The following AOPEP variants were observed in gnomAD, a reference collection of about 807,000 sequenced individuals.
AOPEP encodes aminopeptidase O.
In AOPEP, 77 loss-of-function variants were observed where a neutral mutation model predicts 98.1. That is an observed-to-expected ratio of 0.78 (90% CI 0.65 to 0.95). The LOEUF (loss-of-function observed/expected upper bound fraction) is 0.95. Among genes scored for constraint, AOPEP ranks in the 40% least tolerant of loss-of-function variants. The pLI is 0.00. For synonymous variants in AOPEP, 346 were observed against 365.3 expected, an observed-to-expected ratio of 0.95 and a Z score of 0.60; for missense variants, 1,024 against 1,024.7, an observed-to-expected ratio of 1.00 and a Z score of 0.01.
chr9:95,147,607 T>A, the AOPEP span, among the ~76,000 whole-genome samples: 1 of 152,220 alleles, frequency 6.6e-6, no homozygotes, highest in Non-Finnish European at 1.5e-5. Context: ...GAAAGTGGGC[T>A]AAACTGTAAA....
intron 13 of AOPEP, among the ~76,000 whole-genome samples, chr9:95,026,380 C>T (rs982176566): frequency 4.6e-5 from 7 of 152,210 alleles, no homozygotes; most frequent in Admixed American, 4.6e-4. Flanking sequence ...CCTAGGCAAC[C>T]TGTAAATCTA....
intron 5 of AOPEP, among the ~76,000 whole-genome samples, chr9:94,838,191 A>G (rs1055880282): frequency 6.6e-6 from 1 of 152,016 alleles, no homozygotes; most frequent in Non-Finnish European, 1.5e-5. Flanking sequence ...TTGTATTTTT[A>G]GTAGAGATGG....
chr9:94,814,667 T>G (rs1033985259), intron 5 of AOPEP, among the ~76,000 whole-genome samples: 3 of 152,184 alleles, frequency 2.0e-5, no homozygotes, highest in Non-Finnish European at 2.9e-5. Context: ...AGTTCCAGGA[T>G]TAGTCCTCTC....
At chr9:94,921,686 T>C (rs1297457381) in intron 5 of AOPEP, among the ~76,000 whole-genome samples, 4 of 152,156 alleles carry the variant, frequency 2.6e-5, no homozygotes, top group Admixed American at 2.0e-4. Flanking sequence ...TTTTCCTTCA[T>C]AGGGAAATAG....
At chr9:94,756,775 C>T (rs1837150963) in intron 1 of AOPEP, among the ~76,000 whole-genome samples, 1 of 152,114 alleles carries the variant, frequency 6.6e-6, no homozygotes, top group Non-Finnish European at 1.5e-5. Flanking sequence ...TGCTTTTGGG[C>T]AGCACTCCTG....
At chr9:95,000,021 A>C (rs988537731) in intron 11 of AOPEP, among the ~76,000 whole-genome samples, 3 of 152,228 alleles carry the variant, frequency 2.0e-5, no homozygotes, top group South Asian at 2.1e-4. Flanking sequence ...CCATAGCCTC[A>C]GCAATCCACT....
intron 5 of AOPEP, among the ~76,000 whole-genome samples, chr9:94,918,370 AT>A (rs1271481637): frequency 1.1e-4 from 16 of 152,172 alleles, no homozygotes; most frequent in Admixed American, 3.3e-4. Flanking sequence ...TATGATGTAG[AT>A]TGAGGGAACA....
At chr9:95,120,375 T>G in the AOPEP span, among the ~76,000 whole-genome samples, 1 of 152,164 alleles carries the variant, frequency 6.6e-6, no homozygotes, top group Non-Finnish European at 1.5e-5. Context: ...GCTGTCTTTT[T>G]GCCAATACCT....
intron 11 of AOPEP, among the ~76,000 whole-genome samples, chr9:94,987,116 A>T (rs1036642264): frequency 4.6e-5 from 7 of 152,208 alleles, no homozygotes; most frequent in African/African-American, 1.7e-4. Context: ...TAGGTTCTTG[A>T]TGAGAGACTG....
chr9:94,958,766 T>C (rs2058630774), intron 9 of AOPEP, among the ~76,000 whole-genome samples: 1 of 152,254 alleles, frequency 6.6e-6, no homozygotes, highest in South Asian at 2.1e-4. Context: ...CTACTTTATT[T>C]GGATATAAGT....
intron 1 of AOPEP, among the ~76,000 whole-genome samples, chr9:94,727,004 C>T (rs1829344627): frequency 6.6e-6 from 1 of 152,202 alleles, no homozygotes; most frequent in Admixed American, 6.5e-5. Flanking sequence ...CTCTGGCTGT[C>T]TTCTCCCCGG....
intron 3 of AOPEP, among the ~76,000 whole-genome samples, chr9:94,777,328 A>C (rs1157892876): frequency 6.6e-6 from 1 of 151,614 alleles, no homozygotes; most frequent in African/African-American, 2.4e-5. Flanking sequence ...GCTACTCCGG[A>C]GGCTGAGGCA....
At chr9:94,896,612 C>T (rs1199549451) in intron 5 of AOPEP, among the ~76,000 whole-genome samples, 1 of 152,138 alleles carries the variant, frequency 6.6e-6, no homozygotes, top group Non-Finnish European at 1.5e-5. Context: ...TATTCTTTTT[C>T]CTAAAAACCT....
chr9:95,022,603 T>C (rs1467287985), intron 13 of AOPEP, among the ~76,000 whole-genome samples: 1 of 152,006 alleles, frequency 6.6e-6, no homozygotes, highest in Non-Finnish European at 1.5e-5. Context: ...CCTCCCAAAG[T>C]GCTGGGATTA....
chr9:94,783,881 A>C (rs534052369), intron 3 of AOPEP, among the ~76,000 whole-genome samples: 1 of 152,258 alleles, frequency 6.6e-6, no homozygotes, highest in East Asian at 1.9e-4. Context: ...GAAATAAGGA[A>C]TTGTGGTTAG....
intron 5 of AOPEP, among the ~76,000 whole-genome samples, chr9:94,840,111 T>A (rs1451153051): frequency 6.6e-6 from 1 of 152,206 alleles, no homozygotes; most frequent in African/African-American, 2.4e-5. Context: ...TCTGTCACCA[T>A]TAAGTATGAC....
the AOPEP span, among the ~76,000 whole-genome samples, chr9:95,104,527 T>C: frequency 6.6e-6 from 1 of 152,180 alleles, no homozygotes; most frequent in Non-Finnish European, 1.5e-5. Context: ...CCACACAGGA[T>C]GCAGGCTGGC....
intron 5 of AOPEP, among the ~76,000 whole-genome samples, chr9:94,875,730 TC>T (rs1431341131): frequency 1.3e-5 from 2 of 152,236 alleles, no homozygotes; most frequent in African/African-American, 2.4e-5. Context: ...TAGTTTGATT[TC>T]AGAATTCCAC....
the AOPEP span, among the ~76,000 whole-genome samples, chr9:95,144,360 C>T: frequency 2.0e-5 from 3 of 152,216 alleles, no homozygotes; most frequent in Non-Finnish European, 4.4e-5. Flanking sequence ...GCAGACATAA[C>T]TTTCCAAACC....
Sources: allele counts gnomAD v4.1 joint callset (sites outside exome capture counted in the v4.1 genomes callset), GRCh38; gene constraint gnomAD v4.1.1; transcripts MANE v1.5; gene names NCBI Gene and HGNC (gene_info 2026-07-23, HGNC 2026-07-21).